Variants in TRIM16 observed in about 807,000 individuals in gnomAD.
The protein encoded by TRIM16 is tripartite motif containing 16.
Under a neutral mutation model 50.4 loss-of-function variants are expected in TRIM16, and 33 were observed. The ratio of observed to expected loss-of-function variants is 0.65; its 90% CI spans 0.50 to 0.88. The LOEUF (loss-of-function observed/expected upper bound fraction) is 0.88. Ranked by LOEUF, TRIM16 falls within the 40% of genes least tolerant of loss-of-function variation. The pLI is 0.00. For synonymous variants in TRIM16, 229 were observed against 270.7 expected (o/e 0.85, Z 1.51); for missense variants, 581 against 686.8 (o/e 0.85, Z 1.72).
chr17:15,636,653 A>C (rs1231804225), intron 8 of TRIM16, among the ~76,000 whole-genome samples: 1 of 142,928 alleles, frequency 7.0e-6, no homozygotes, highest in Non-Finnish European at 1.5e-5. Context: ...TTTTTGTATA[A>C]TCAGCATGAA....
chr17:15,678,945 G>A (rs188799267), intron 4 of TRIM16, among the ~76,000 whole-genome samples: 1 of 146,960 alleles, frequency 6.8e-6, no homozygotes, highest in South Asian at 2.1e-4. Context: ...CGATGCTCTC[G>A]GCTTACCGCA....
chr17:15,667,724 C>G (rs1237607552), intron 6 of TRIM16, among the ~76,000 whole-genome samples: 1 of 152,068 alleles, frequency 6.6e-6, no homozygotes, highest in Non-Finnish European at 1.5e-5. Context: ...TTCCTATATA[C>G]CCCACACCCA....
chr17:15,635,347 G>T (rs1259707310), intron 9 of TRIM16, among the ~76,000 whole-genome samples: 5 of 148,810 alleles, frequency 3.4e-5, no homozygotes. Context: ...TCCTCGAAAG[G>T]TTACATGTTC....
At chr17:15,654,502 AT>A (rs1987878866) in intron 6 of TRIM16, 1 of 152,298 alleles carries the variant, frequency 6.6e-6, no homozygotes, top group South Asian at 2.1e-4. Flanking sequence ...AGAAAACCCA[AT>A]TCCCCCTGAG....
chr17:15,666,136 C>G (rs1988489494), intron 6 of TRIM16, among the ~76,000 whole-genome samples: 1 of 152,222 alleles, frequency 6.6e-6, no homozygotes, highest in Admixed American at 6.5e-5. Flanking sequence ...ATCATTGTCT[C>G]TCGCCTGGAT....
At chr17:15,654,163 C>A (rs886084704) in intron 6 of TRIM16, 3 of 152,188 alleles carry the variant, frequency 2.0e-5, no homozygotes, top group African/African-American at 7.2e-5. Flanking sequence ...CTGACTAGTA[C>A]TTTTCAGAAA....
intron 6 of TRIM16, among the ~76,000 whole-genome samples, chr17:15,662,884 G>A (rs1410785468): frequency 6.6e-6 from 1 of 152,174 alleles, no homozygotes; most frequent in African/African-American, 2.4e-5. Context: ...GGCTACATGA[G>A]GACGTTCTGG....
intron 6 of TRIM16, among the ~76,000 whole-genome samples, chr17:15,659,332 G>A (rs1017326784): frequency 3.3e-5 from 5 of 152,100 alleles, no homozygotes; most frequent in African/African-American, 9.7e-5. Context: ...CACGGGCACC[G>A]CTTTGATCAC....
chr17:15,667,883 T>A (rs1988565250), intron 6 of TRIM16, among the ~76,000 whole-genome samples: 1 of 152,156 alleles, frequency 6.6e-6, no homozygotes, highest in South Asian at 2.1e-4. Context: ...TTACTCAGAT[T>A]TTCTTTTTTT....
chr17:15,629,541 T>C (rs1411649853), intron 11 of TRIM16, among the ~76,000 whole-genome samples: 3 of 152,296 alleles, frequency 2.0e-5, no homozygotes, highest in Non-Finnish European at 4.4e-5. Flanking sequence ...TACCCAGTGT[T>C]GGCAAGTGTT....
Position 15,634,095 on chromosome 17 carries a change from C to T in TRIM16, c.850-1421G>A, listed in dbSNP as rs1456895469. On this transcript the variant is annotated intron_variant, in intron 9 of 11. Coordinates refer to ENST00000649191, the MANE Select transcript of TRIM16 (RefSeq NM_001348119.1). Reference sequence around the variant, plus strand: ...CTGTAATCCCAGCACTTTGTGGGGCCGAGGCGGGTGGATCACGAGGTCAGG... The same window carrying T: ...CTGTAATCCCAGCACTTTGTGGGGCTGAGGCGGGTGGATCACGAGGTCAGG... Among the ~76,000 whole-genome samples, 17 of 147,054 alleles carry T rather than the reference C, an allele frequency of 1.2e-4. 1 individual carries two copies. In the South Asian group the frequency reaches 3.3e-3, roughly 29 times the overall value.
At chr17:15,653,762 G>A (rs557060028) in intron 6 of TRIM16, among the ~76,000 whole-genome samples, 43 of 152,244 alleles carry the variant, frequency 2.8e-4, no homozygotes, top group African/African-American at 1.0e-3. Context: ...CGTAACACAC[G>A]GTCAGGGCAT....
chr17:15,683,358 T>A, intron 1 of TRIM16: 1 of 435,356 alleles, frequency 2.3e-6, no homozygotes, highest in Non-Finnish European at 4.2e-6. Flanking sequence ...ACTAGGGCCC[T>A]GCAGAGTCAG....
At chr17:15,638,676 CA>C (rs887518266) in intron 8 of TRIM16, among the ~76,000 whole-genome samples, 13 of 148,642 alleles carry the variant, frequency 8.7e-5, no homozygotes, top group Admixed American at 2.7e-4. Context: ...GCAGAGGCTT[CA>C]GGGGCACCTC....
chr17:15,659,358 A>G (rs752530118), intron 6 of TRIM16, among the ~76,000 whole-genome samples: 25 of 152,144 alleles, frequency 1.6e-4, no homozygotes, highest in Non-Finnish European at 3.4e-4. Context: ...AGACCACCCA[A>G]GCTTACGGGG....
At position 15,651,071 on chromosome 17, in the gene TRIM16, A is replaced by T; in HGVS notation, c.519+20T>A. 1 of 1,586,718 alleles carries T rather than the reference A, an allele frequency of 6.3e-7. No individual in the cohort carries two copies. Among genetic ancestry groups the T allele is most frequent in the East Asian group, 2.2e-5 (1 of 44,584 alleles). On this transcript the variant is annotated intron_variant, in intron 7 of 11. Coordinates refer to ENST00000649191, the MANE Select transcript of TRIM16 (RefSeq NM_001348119.1). ...CCCACCGCCCTCTCCCAAATGGATG[A>T]ATGGTCCCCAAGCACTCACCTCCTT...
intron 6 of TRIM16, among the ~76,000 whole-genome samples, chr17:15,653,542 A>G (rs1165264841): frequency 6.6e-6 from 1 of 152,144 alleles, no homozygotes; most frequent in African/African-American, 2.4e-5. Flanking sequence ...TGGCTTGCAG[A>G]TGGCTTCTCC....
At chr17:15,666,641 A>G (rs1247862214) in intron 6 of TRIM16, among the ~76,000 whole-genome samples, 1 of 152,216 alleles carries the variant, frequency 6.6e-6, no homozygotes, top group East Asian at 1.9e-4. Flanking sequence ...CTTGTGCTGG[A>G]ACTTCATATA....
intron 6 of TRIM16, chr17:15,652,150 C>CTTTT (rs200450452): frequency 3.3e-5 from 5 of 149,412 alleles, no homozygotes; most frequent in Non-Finnish European, 5.4e-5. Context: ...CTTTTCTTTT[C>CTTTT]TTTTTTTTTT....
Sources: gnomAD v4.1 joint callset for allele counts (sites outside exome capture counted in the v4.1 genomes callset) on GRCh38, gnomAD v4.1.1 for gene constraint, MANE v1.5 for transcripts, NCBI Gene and HGNC (gene_info 2026-07-23, HGNC 2026-07-21) for gene names.